LAMC1: variants seen among roughly 807,000 people sequenced by gnomAD.
The protein encoded by LAMC1 is laminin subunit gamma-1.
In LAMC1, 38 loss-of-function variants were observed where a neutral mutation model predicts 173.6. The observed-to-expected ratio is 0.22, with a 90% CI of 0.17 to 0.29. LAMC1 has a LOEUF of 0.29. Among genes scored for constraint, LAMC1 ranks in the 10% least tolerant of loss-of-function variants. The pLI is 1.00. For missense variants in LAMC1, 1,824 were observed against 2,051.8 expected, an observed-to-expected ratio of 0.89 and a Z score of 2.14; for synonymous variants, 746 against 749.1, an observed-to-expected ratio of 1.00 and a Z score of 0.07.
chr1:183,067,959 C>T (rs556445420), intron 1 of LAMC1, among the ~76,000 whole-genome samples: 2 of 152,060 alleles, frequency 1.3e-5, no homozygotes, highest in Non-Finnish European at 2.9e-5. Context: ...GAGACTTAAC[C>T]ATTTATAGTT....
At chr1:183,117,051 C>T in intron 8 of LAMC1, 148 bp downstream of exon 8, 1 of 867,428 alleles carries the variant, frequency 1.2e-6, no homozygotes. Flanking sequence ...GTAGTTTGGC[C>T]TTTTAATTTA....
chr1:183,113,631 C>G (rs909531136), intron 4 of LAMC1, among the ~76,000 whole-genome samples: 4 of 152,086 alleles, frequency 2.6e-5, no homozygotes, highest in Admixed American at 2.6e-4. Flanking sequence ...TTGAGGCTTC[C>G]CTGTACATGG....
At chr1:183,140,361 A>G (rs1226165917) in intron 26 of LAMC1, 43 bp from the exon 27 acceptor site, 2 of 1,212,078 alleles carry the variant, frequency 1.7e-6, no homozygotes, top group Non-Finnish European at 2.4e-6. Flanking sequence ...AAAGAAGATG[A>G]AAACATACAG....
At chr1:183,033,310 C>G (rs909192211) in intron 1 of LAMC1, among the ~76,000 whole-genome samples, 1 of 152,198 alleles carries the variant, frequency 6.6e-6, no homozygotes. Flanking sequence ...TACAATCAAG[C>G]TTGGTAGACG....
At chr1:183,030,049 A>G (rs1653809311) in intron 1 of LAMC1, among the ~76,000 whole-genome samples, 1 of 152,216 alleles carries the variant, frequency 6.6e-6, no homozygotes, top group South Asian at 2.1e-4. Context: ...TACATTTTTA[A>G]TTGGTTAGAA....
intron 1 of LAMC1, among the ~76,000 whole-genome samples, chr1:183,089,532 T>C (rs1446207228): frequency 6.6e-6 from 1 of 152,228 alleles, no homozygotes; most frequent in Non-Finnish European, 1.5e-5. Context: ...GAAAGGGACA[T>C]TTGATATTTA....
At chr1:183,123,259 A>G (rs1243237952) in intron 13 of LAMC1, among the ~76,000 whole-genome samples, 2 of 152,156 alleles carry the variant, frequency 1.3e-5, no homozygotes, top group South Asian at 2.1e-4. Context: ...ACCACTTTTC[A>G]CCACTTCAAC....
In LAMC1 at chr1:183,097,907, C is replaced by A. The variant is rs542449094; in HGVS notation, c.419-5421C>A. Among the ~76,000 whole-genome samples the A allele has an allele frequency of 6.6e-5, 10 of 152,270 alleles. No individual in the cohort carries two copies. In the South Asian group the frequency reaches 2.1e-3, roughly 32 times the overall value. ...GGCAGTAGAACACTCAGAAGCTAAA[C>A]ATTTTTTTGGTGGTGTGTATATCCA... On this transcript the variant is annotated intron_variant, in intron 1 of 27. Coordinates refer to ENST00000258341, the MANE Select transcript of LAMC1 (RefSeq NM_002293.4).
At chr1:183,068,043 G>A (rs920299006) in intron 1 of LAMC1, among the ~76,000 whole-genome samples, 1 of 152,172 alleles carries the variant, frequency 6.6e-6, no homozygotes, top group African/African-American at 2.4e-5. Flanking sequence ...AAGCATAATG[G>A]GAGTTGAGCT....
chr1:183,051,413 A>T (rs1654424617), intron 1 of LAMC1, among the ~76,000 whole-genome samples: 2 of 152,374 alleles, frequency 1.3e-5, no homozygotes, highest in South Asian at 4.1e-4. Flanking sequence ...GGCACCAGGC[A>T]GATGAGCCCA....
In LAMC1 at chr1:183,116,129, C is replaced by CAAA. The variant is rs10689019; in HGVS notation, c.1329-436_1329-434dup. Among the ~76,000 whole-genome samples, 461 of 127,376 alleles carry CAAA rather than the reference C, an allele frequency of 3.6e-3. 4 individuals carry two copies. The highest frequency in any genetic ancestry group is 0.016 in the East Asian group (69 of 4,300). 83.6% of individuals were successfully genotyped at this position (127,376 alleles called of 152,430 possible). ...TGGGTGACAGAGCGAGACTCTGTCT[C>CAAA]AAAAAAAAAAAAAATGACTTTAGGG... On this transcript the variant is annotated intron_variant, in intron 6 of 27. Coordinates refer to ENST00000258341, the MANE Select transcript of LAMC1 (RefSeq NM_002293.4).
intron 16 of LAMC1, 76 bp from the exon 17 acceptor site, chr1:183,127,150 T>C: frequency 7.2e-7 from 1 of 1,388,192 alleles, no homozygotes; most frequent in Non-Finnish European, 1.0e-6. Context: ...AGTCAGCTTA[T>C]TGTTATCAGT....
At chr1:183,132,709 C>T (rs1026627629) in intron 21 of LAMC1, among the ~76,000 whole-genome samples, 172 bp downstream of exon 21, 1 of 151,924 alleles carries the variant, frequency 6.6e-6, no homozygotes, top group African/African-American at 2.4e-5. Context: ...CATGTGAAGC[C>T]ACAGAGATTT....
chr1:183,083,354 C>G (rs550448343), intron 1 of LAMC1, among the ~76,000 whole-genome samples: 1 of 152,308 alleles, frequency 6.6e-6, no homozygotes, highest in Non-Finnish European at 1.5e-5. Flanking sequence ...ATCCTTCCAT[C>G]TGGGTGAATT....
intron 17 of LAMC1, 63 bp from the exon 18 acceptor site, chr1:183,128,531 A>C: frequency 7.1e-7 from 1 of 1,405,682 alleles, no homozygotes; most frequent in Admixed American, 1.9e-5. Flanking sequence ...AGGAAGTGTG[A>C]TTGAGTTCTT....
Position 183,130,460 on chromosome 1 carries a change from C to T in LAMC1, c.3397C>T (p.Gln1133Ter). ...TIEETGNLAE[Q>*]ARAHVENTER... ...TGAAGAGACTGGAAACTTGGCTGAA[C>T]AAGCGCGTGCCCATGTAGAGAACAC... The change falls in exon 19 of 28, where the codon CAA (glutamine) becomes TAA (stop). Residue 1133 changes from glutamine to a stop codon, truncating the protein, a stop_gained. Coordinates refer to ENST00000258341, the MANE Select transcript of LAMC1 (RefSeq NM_002293.4). LOFTEE classifies it high-confidence loss of function. 1 of 1,614,196 alleles carries T rather than the reference C, an allele frequency of 6.2e-7. No individual in the cohort carries two copies. Among genetic ancestry groups the T allele is most frequent in the Non-Finnish European group, 8.5e-7 (1 of 1,180,024 alleles).
intron 19 of LAMC1, among the ~76,000 whole-genome samples, chr1:183,131,059 G>A (rs538031241): frequency 3.3e-5 from 5 of 151,230 alleles, no homozygotes; most frequent in East Asian, 2.0e-4. Context: ...CTGTAATCCC[G>A]GCTACTTGGG....
At chr1:183,126,504 A>G (rs1443342672) in intron 16 of LAMC1, among the ~76,000 whole-genome samples, 2 of 151,928 alleles carry the variant, frequency 1.3e-5, no homozygotes, top group East Asian at 1.9e-4. Context: ...CCTTTTTCCA[A>G]TCTTTTATTT....
At position 183,126,165 on chromosome 1, in the gene LAMC1, C is replaced by T; in HGVS notation, c.2847C>T (p.Ile949=). ...ALGSTNGQCD[I]RTGQCECQPG... Reference sequence around the variant, plus strand: ...GCTCCACCAATGGGCAGTGTGACATCCGCACCGGCCAGTGTGAGTGCCAGC... The same window carrying T: ...GCTCCACCAATGGGCAGTGTGACATTCGCACCGGCCAGTGTGAGTGCCAGC... The change falls in exon 16 of 28, where the codon ATC becomes ATT. Residue 949 remains isoleucine (I), a synonymous_variant. Coordinates refer to ENST00000258341, the MANE Select transcript of LAMC1 (RefSeq NM_002293.4). The T allele has an allele frequency of 6.2e-7, 1 of 1,614,214 alleles. No homozygotes were observed. Among genetic ancestry groups the T allele is most frequent in the East Asian group, 2.2e-5 (1 of 44,888 alleles).
Sources: gnomAD v4.1 joint callset for allele counts (sites outside exome capture counted in the v4.1 genomes callset) on GRCh38, gnomAD v4.1.1 for gene constraint, MANE v1.5 for transcripts, NCBI Gene and HGNC (gene_info 2026-07-23, HGNC 2026-07-21) for gene names.